Variants in ZSCAN5A observed in about 807,000 individuals in gnomAD.
The protein encoded by ZSCAN5A is zinc finger and SCAN domain containing 5A.
ZSCAN5A carries 12 observed loss-of-function variants against 23.7 expected under a neutral mutation model. The ratio of observed to expected loss-of-function variants is 0.51; its 90% CI spans 0.32 to 0.82. The LOEUF (loss-of-function observed/expected upper bound fraction) is 0.82. Ranked by LOEUF, ZSCAN5A falls within the 40% of genes least tolerant of loss-of-function variation. ZSCAN5A has a pLI of 0.03. For synonymous variants in ZSCAN5A, 257 were observed against 239.9 expected (o/e 1.07, Z -0.66); for missense variants, 597 against 617.9 (o/e 0.97, Z 0.36).
chr19:56,348,757 C>A (rs936122203), intron 2 of ZSCAN5A, among the ~76,000 whole-genome samples: 3 of 151,808 alleles, frequency 2.0e-5, no homozygotes, highest in African/African-American at 7.3e-5. Context: ...TTTTCTTCCA[C>A]AAAAAAATAG....
chr19:56,269,089 C>T (rs546699967), intron 2 of ZSCAN5A, among the ~76,000 whole-genome samples: 10 of 152,240 alleles, frequency 6.6e-5, no homozygotes, highest in African/African-American at 2.4e-4. Context: ...TGTGAACATT[C>T]GTGTGTGAAT....
At chr19:56,311,542 G>A (rs2041034680) in intron 2 of ZSCAN5A, among the ~76,000 whole-genome samples, 1 of 152,212 alleles carries the variant, frequency 6.6e-6, no homozygotes, top group Non-Finnish European at 1.5e-5. Flanking sequence ...CAGTGAGCCT[G>A]AAGCATCAGT....
At chr19:56,342,195 C>G (rs907354680) in intron 2 of ZSCAN5A, among the ~76,000 whole-genome samples, 6 of 151,674 alleles carry the variant, frequency 4.0e-5, no homozygotes, top group African/African-American at 1.5e-4. Flanking sequence ...CTTGGATTTT[C>G]TGGTTTGTTC....
At chr19:56,250,369 A>G (rs977809825) in intron 2 of ZSCAN5A, among the ~76,000 whole-genome samples, 1 of 152,226 alleles carries the variant, frequency 6.6e-6, no homozygotes, top group Non-Finnish European at 1.5e-5. Flanking sequence ...CCACTGGTGT[A>G]CAGTATAAAG....
At chr19:56,343,259 T>G in intron 2 of ZSCAN5A, 1 of 836,524 alleles carries the variant, frequency 1.2e-6, no homozygotes, top group Non-Finnish European at 1.9e-6. Flanking sequence ...CCCTTCAGTA[T>G]TCCTCTGTGA....
At chr19:56,257,037 G>A (rs999000108) in intron 2 of ZSCAN5A, among the ~76,000 whole-genome samples, 7 of 152,136 alleles carry the variant, frequency 4.6e-5, no homozygotes, top group African/African-American at 2.4e-5. Context: ...TGCCATCAGG[G>A]GAATACCTGC....
intron 2 of ZSCAN5A, among the ~76,000 whole-genome samples, chr19:56,325,052 C>T (rs185444086): frequency 4.6e-5 from 7 of 152,310 alleles, no homozygotes; most frequent in East Asian, 3.9e-4. Flanking sequence ...TGTGCATGGA[C>T]GAGTGTCTGA....
At chr19:56,360,387 C>T (rs2041727087) in intron 2 of ZSCAN5A, among the ~76,000 whole-genome samples, 1 of 152,144 alleles carries the variant, frequency 6.6e-6, no homozygotes, top group African/African-American at 2.4e-5. Context: ...AGGACCTCTT[C>T]AAGGAGAACT....
chr19:56,233,896 G>C (rs1169237076), intron 2 of ZSCAN5A, among the ~76,000 whole-genome samples: 2 of 152,076 alleles, frequency 1.3e-5, no homozygotes, highest in African/African-American at 4.8e-5. Context: ...GCCCTTCCAA[G>C]CTGGCAGAAA....
intron 2 of ZSCAN5A, among the ~76,000 whole-genome samples, chr19:56,254,051 A>C (rs1328794571): frequency 7.0e-6 from 1 of 143,068 alleles, no homozygotes; most frequent in Non-Finnish European, 1.5e-5. Flanking sequence ...ATACCAGTGA[A>C]TGAGCATCTT....
At chr19:56,290,449 T>C (rs956259136) in intron 2 of ZSCAN5A, among the ~76,000 whole-genome samples, 1 of 152,230 alleles carries the variant, frequency 6.6e-6, no homozygotes, top group African/African-American at 2.4e-5. Flanking sequence ...ACCTCTGAGC[T>C]AGAGCAGTGC....
rs1257556393 is a variant in ZSCAN5A, at chr19:56,307,851, C to G, written c.-128+5432G>C. ...TTTTTGAAATGAAAATCAAAGCAAA[C>G]CTTTGTGGAATTCCTAAAAGATCCC... On this transcript the variant is annotated intron_variant, in intron 2 of 5. Coordinates refer to ENST00000683990, the MANE Select transcript of ZSCAN5A (RefSeq NM_001322064.3). Among the ~76,000 whole-genome samples the G allele has an allele frequency of 3.3e-5, 5 of 152,292 alleles. No homozygotes were observed. The South Asian group carries it at 6.2e-4, about 19-fold the overall frequency.
At chr19:56,344,655 G>A (rs566788132) in intron 2 of ZSCAN5A, among the ~76,000 whole-genome samples, 4 of 151,668 alleles carry the variant, frequency 2.6e-5, no homozygotes, top group Non-Finnish European at 5.9e-5. Flanking sequence ...TGTAATCCCA[G>A]CACTTTGGGA....
chr19:56,244,987 C>T (rs978873482), intron 2 of ZSCAN5A, among the ~76,000 whole-genome samples: 1 of 152,186 alleles, frequency 6.6e-6, no homozygotes, highest in African/African-American at 2.4e-5. Flanking sequence ...CAGAATATTT[C>T]TCCTTGTCTT....
chr19:56,329,307 T>A (rs971427892), intron 2 of ZSCAN5A, among the ~76,000 whole-genome samples: 24 of 151,244 alleles, frequency 1.6e-4, no homozygotes, highest in African/African-American at 5.8e-4. Context: ...CGAGATCGTG[T>A]CACTGTACTC....
chr19:56,306,234 AAGAC>A (rs1362773801), intron 2 of ZSCAN5A, among the ~76,000 whole-genome samples: 2 of 152,198 alleles, frequency 1.3e-5, no homozygotes, highest in African/African-American at 4.8e-5. Flanking sequence ...GAAAGTACGA[AAGAC>A]AGATGGGAGG....
chr19:56,258,946 G>A (rs1474542203), intron 2 of ZSCAN5A, among the ~76,000 whole-genome samples: 6 of 152,090 alleles, frequency 3.9e-5, no homozygotes, highest in Admixed American at 3.9e-4. Context: ...CCTAGCCCAC[G>A]ACACACGGAG....
Position 56,226,170 on chromosome 19 carries a change from A to G in ZSCAN5A, c.-127-997T>C, listed in dbSNP as rs375894997. On this transcript the variant is annotated intron_variant, in intron 2 of 5. Transcript: ENST00000683990. ...TGCAGAGGGGAGAAAAAACTGGCAG[A>G]AGGGTCTTGGGAAAAGTCACTGGTA... is the stretch of plus-strand genomic sequence containing the variant. Among the ~76,000 whole-genome samples the G allele has an allele frequency of 9.0e-4, 135 of 150,660 alleles. 1 individual carries two copies. Among genetic ancestry groups the G allele is most frequent in the African/African-American group, 1.5e-3 (60 of 40,556 alleles).
At chr19:56,338,476 C>T (rs1015150654) in intron 2 of ZSCAN5A, 1 of 152,168 alleles carries the variant, frequency 6.6e-6, no homozygotes, top group East Asian at 1.9e-4. Flanking sequence ...GAAAGCCACC[C>T]AGATACTGCA....
Sources: allele counts gnomAD v4.1 joint callset (sites outside exome capture counted in the v4.1 genomes callset), GRCh38; gene constraint gnomAD v4.1.1; transcripts MANE v1.5; gene names NCBI Gene and HGNC (gene_info 2026-07-23, HGNC 2026-07-21).